Variants in CDH13 observed in about 807,000 individuals in gnomAD.
CDH13 encodes the protein cadherin 13, also known as cadherin-13.
Under a neutral mutation model 63.8 loss-of-function variants are expected in CDH13, and 24 were observed. The observed-to-expected ratio is 0.38, with a 90% CI of 0.27 to 0.53. CDH13 has a LOEUF of 0.53. Ranked by LOEUF, CDH13 falls within the 20% of genes least tolerant of loss-of-function variation. The pLI is 0.85. For missense variants in CDH13, 1,049 were observed against 903.1 expected, an observed-to-expected ratio of 1.16 and a Z score of -2.07; for synonymous variants, 503 against 355.3, an observed-to-expected ratio of 1.42 and a Z score of -4.67.
intron 2 of CDH13, among the ~76,000 whole-genome samples, chr16:82,983,616 C>A (rs1355841178): frequency 1.3e-5 from 2 of 152,194 alleles, no homozygotes; most frequent in South Asian, 4.1e-4. Flanking sequence ...ATCTGTGAGA[C>A]AGGGCTGCTG....
At chr16:83,154,126 G>A (rs996190027) in intron 4 of CDH13, among the ~76,000 whole-genome samples, 3 of 152,134 alleles carry the variant, frequency 2.0e-5, no homozygotes, top group African/African-American at 7.2e-5. Context: ...TTGAGAAATG[G>A]GAGCTTTAAA....
chr16:83,026,642 A>T (rs1455143806), intron 2 of CDH13, among the ~76,000 whole-genome samples: 1 of 152,202 alleles, frequency 6.6e-6, no homozygotes, highest in African/African-American at 2.4e-5. Context: ...GGAGTAGATA[A>T]TGAAAAAAAC....
chr16:83,674,502 T>C, intron 9 of CDH13, among the ~76,000 whole-genome samples: 1 of 152,336 alleles, frequency 6.6e-6, no homozygotes, highest in Non-Finnish European at 1.5e-5. Context: ...ACCAATGACA[T>C]ACGTTCTTCC....
At chr16:83,472,201 G>A (rs1220624444) in intron 6 of CDH13, among the ~76,000 whole-genome samples, 1 of 152,218 alleles carries the variant, frequency 6.6e-6, no homozygotes, top group Non-Finnish European at 1.5e-5. Context: ...GTTGTCCAGA[G>A]TGGAGCAGCT....
intron 6 of CDH13, among the ~76,000 whole-genome samples, chr16:83,472,962 A>T (rs1252430573): frequency 6.6e-6 from 1 of 152,108 alleles, no homozygotes; most frequent in African/African-American, 2.4e-5. Flanking sequence ...TCCACGGTGG[A>T]GAGAAATGAA....
chr16:83,737,972 G>A (rs989015063), intron 10 of CDH13, among the ~76,000 whole-genome samples: 1 of 152,182 alleles, frequency 6.6e-6, no homozygotes, highest in Non-Finnish European at 1.5e-5. Flanking sequence ...ATGAGGCAAT[G>A]GCAGACAGTA....
At chr16:83,589,946 G>A (rs906687633) in intron 7 of CDH13, among the ~76,000 whole-genome samples, 3 of 152,228 alleles carry the variant, frequency 2.0e-5, no homozygotes, top group Middle Eastern at 6.8e-3. Flanking sequence ...TAGGAGGTGG[G>A]GGCGGGAAAT....
intron 10 of CDH13, among the ~76,000 whole-genome samples, chr16:83,692,863 C>G (rs1887679555): frequency 6.6e-6 from 1 of 152,136 alleles, no homozygotes; most frequent in Non-Finnish European, 1.5e-5. Context: ...GCAGGTGGAT[C>G]ACGAGGTCAG....
chr16:83,118,816 C>G (rs1353177564), intron 3 of CDH13, among the ~76,000 whole-genome samples: 1 of 152,148 alleles, frequency 6.6e-6, no homozygotes, highest in African/African-American at 2.4e-5. Context: ...TTCTCTGAGG[C>G]TGATGTAACT....
At chr16:83,692,083 C>A (rs1345870794) in intron 10 of CDH13, among the ~76,000 whole-genome samples, 1 of 152,234 alleles carries the variant, frequency 6.6e-6, no homozygotes, top group African/African-American at 2.4e-5. Context: ...CCTCTCTGCT[C>A]TTCTGCCTCC....
At chr16:83,318,892 A>G (rs1394345918) in intron 5 of CDH13, among the ~76,000 whole-genome samples, 3 of 152,126 alleles carry the variant, frequency 2.0e-5, no homozygotes, top group Non-Finnish European at 4.4e-5. Context: ...AAAATCAGAG[A>G]TAGGGAAGAC....
rs77540354 is a variant in CDH13 at position 83,510,773 on chromosome 16, C to G, written c.960+24118C>G. Among the ~76,000 whole-genome samples the G allele has an allele frequency of 4.1e-3, 623 of 152,306 alleles. 4 individuals are homozygous for G. Among genetic ancestry groups the G allele is most frequent in the African/African-American group, 0.014 (601 of 41,556 alleles). ...GTTTCTTTCACCACCCACCTGTGCA[C>G]ATGATTAGTTTGAAAAAGTATGTCT... On this transcript the variant is annotated intron_variant, in intron 7 of 13. Transcript: ENST00000567109.
intron 7 of CDH13, among the ~76,000 whole-genome samples, chr16:83,498,147 T>C (rs148134067): frequency 8.5e-4 from 129 of 152,228 alleles, no homozygotes; most frequent in African/African-American, 3.0e-3. Flanking sequence ...CTACTTTCAT[T>C]ATGTTAGAGC....
intron 5 of CDH13, among the ~76,000 whole-genome samples, chr16:83,317,400 A>G (rs1377304716): frequency 2.0e-5 from 3 of 152,194 alleles, no homozygotes; most frequent in Non-Finnish European, 4.4e-5. Flanking sequence ...TGCTTGTGTT[A>G]CATCTGCTTG....
At chr16:83,298,296 G>A (rs963164783) in intron 5 of CDH13, among the ~76,000 whole-genome samples, 1 of 151,902 alleles carries the variant, frequency 6.6e-6, no homozygotes, top group African/African-American at 2.4e-5. Context: ...AAAGAAAAGG[G>A]AAGAAGTGAG....
intron 6 of CDH13, among the ~76,000 whole-genome samples, chr16:83,408,902 C>G (rs953618906): frequency 2.0e-5 from 3 of 152,130 alleles, no homozygotes; most frequent in Non-Finnish European, 2.9e-5. Flanking sequence ...AGAGACTAAG[C>G]CCAAGGCTGG....
At chr16:83,450,594 G>C (rs2072860038) in intron 6 of CDH13, among the ~76,000 whole-genome samples, 1 of 152,220 alleles carries the variant, frequency 6.6e-6, no homozygotes, top group Admixed American at 6.5e-5. Flanking sequence ...AAGAGGGCCA[G>C]GGGCGGTGGC....
At chr16:82,884,225 C>G (rs1567628800) in intron 2 of CDH13, 1 of 455,740 alleles carries the variant, frequency 2.2e-6, no homozygotes, top group Non-Finnish European at 4.4e-6. Flanking sequence ...GTAGAGGCCA[C>G]TTTTAAAAGC....
At chr16:82,815,264 G>A (rs1276281850) in intron 1 of CDH13, among the ~76,000 whole-genome samples, 1 of 152,062 alleles carries the variant, frequency 6.6e-6, no homozygotes, top group Non-Finnish European at 1.5e-5. Context: ...GGCCGAGTGT[G>A]GACATCCACA....
Sources: gnomAD v4.1 joint callset for allele counts (sites outside exome capture counted in the v4.1 genomes callset) on GRCh38, gnomAD v4.1.1 for gene constraint, MANE v1.5 for transcripts, NCBI Gene and HGNC (gene_info 2026-07-23, HGNC 2026-07-21) for gene names.